Variants in GULP1 observed in about 807,000 individuals in gnomAD.
The protein encoded by GULP1 is PTB domain-containing engulfment adapter protein 1.
A neutral mutation model predicts 40.9 loss-of-function variants in GULP1; 19 were observed. The observed-to-expected ratio is 0.46, with a 90% CI of 0.32 to 0.68. GULP1 has a LOEUF of 0.68. Among genes scored for constraint, GULP1 ranks in the 30% least tolerant of loss-of-function variants. The pLI, the probability that GULP1 is intolerant of heterozygous loss-of-function variation, is 0.03. For synonymous variants in GULP1, 119 were observed against 117.6 expected (o/e 1.01, Z -0.08); for missense variants, 312 against 362.2 (o/e 0.86, Z 1.12).
At chr2:188,566,721 G>A (rs1576157985) in intron 7 of GULP1, among the ~76,000 whole-genome samples, 2 of 149,612 alleles carry the variant, frequency 1.3e-5, no homozygotes, top group South Asian at 4.2e-4. Flanking sequence ...TCTTGAACTC[G>A]GGAGTGGAGG....
chr2:188,320,898 T>C (rs1230644758), intron 1 of GULP1, among the ~76,000 whole-genome samples: 7 of 151,448 alleles, frequency 4.6e-5, no homozygotes. Flanking sequence ...TAAAAATTTT[T>C]GTACTCTCCT....
At chr2:188,329,754 A>G (rs762466459) in intron 1 of GULP1, among the ~76,000 whole-genome samples, 5 of 152,088 alleles carry the variant, frequency 3.3e-5, no homozygotes, top group African/African-American at 4.8e-5. Context: ...GAGAAAGGCA[A>G]TGGTGATTGT....
intron 2 of GULP1, among the ~76,000 whole-genome samples, chr2:188,474,971 A>G (rs2060891540): frequency 6.6e-6 from 1 of 152,198 alleles, no homozygotes; most frequent in Non-Finnish European, 1.5e-5. Context: ...TAACTTATTC[A>G]CATTAAAATT....
At chr2:188,392,446 T>C (rs996409710) in intron 2 of GULP1, among the ~76,000 whole-genome samples, 4 of 152,194 alleles carry the variant, frequency 2.6e-5, no homozygotes, top group African/African-American at 9.6e-5. Flanking sequence ...TTGGTTATAA[T>C]GTCCCATTTT....
At chr2:188,537,336 G>A (rs948853878) in intron 6 of GULP1, among the ~76,000 whole-genome samples, 2 of 151,884 alleles carry the variant, frequency 1.3e-5, no homozygotes, top group Non-Finnish European at 2.9e-5. Context: ...ATAGATGGCT[G>A]TACTATTCTG....
intron 1 of GULP1, among the ~76,000 whole-genome samples, chr2:188,379,605 A>T (rs919433523): frequency 7.9e-5 from 12 of 152,254 alleles, no homozygotes; most frequent in African/African-American, 2.9e-4. Context: ...CTTCCTAAAT[A>T]CATATCTAAA....
intron 1 of GULP1, among the ~76,000 whole-genome samples, chr2:188,327,055 G>T (rs1489439513): frequency 6.6e-6 from 1 of 152,102 alleles, no homozygotes; most frequent in South Asian, 2.1e-4. Context: ...AAACCATATG[G>T]CCAGAAAGCT....
intron 9 of GULP1, among the ~76,000 whole-genome samples, chr2:188,582,184 CAACTCT>C (rs1251439306): frequency 4.6e-5 from 7 of 152,188 alleles, no homozygotes; most frequent in South Asian, 2.1e-4. Flanking sequence ...ATAGGAAAAT[CAACTCT>C]AACTCTATGT....
rs1687344829 is a variant in GULP1, at chr2:188,530,807, C to T, written c.261+1612C>T. 3.3e-5 allele frequency among the ~76,000 whole-genome samples: 5 copies of T among 152,162 alleles called. No homozygotes were observed. The South Asian group carries it at 1.0e-3, about 32-fold the overall frequency. ...AAACACAGTACTTTATTCACAATGC[C>T]TCAGAGTTATCATTTAGTAATTTTG... On this transcript the variant is annotated intron_variant, in intron 6 of 11. Coordinates refer to ENST00000409830, the MANE Select transcript of GULP1 (RefSeq NM_016315.4).
At chr2:188,412,587 G>C (rs1422156679) in intron 2 of GULP1, among the ~76,000 whole-genome samples, 1 of 152,042 alleles carries the variant, frequency 6.6e-6, no homozygotes, top group Non-Finnish European at 1.5e-5. Flanking sequence ...TTTGGGTGGG[G>C]ACACAGCCAA....
At chr2:188,304,048 T>C (rs1370180267) in intron 1 of GULP1, among the ~76,000 whole-genome samples, 3 of 152,160 alleles carry the variant, frequency 2.0e-5, no homozygotes, top group Non-Finnish European at 2.9e-5. Context: ...CTTGTGGGTT[T>C]TTGAATGAGA....
At chr2:188,583,695 A>C (rs959504841) in intron 9 of GULP1, among the ~76,000 whole-genome samples, 2 of 152,194 alleles carry the variant, frequency 1.3e-5, no homozygotes, top group African/African-American at 4.8e-5. Flanking sequence ...AAACTTGATG[A>C]AATCTTTCAG....
chr2:188,380,739 T>A (rs2048911795), intron 1 of GULP1, among the ~76,000 whole-genome samples: 1 of 152,182 alleles, frequency 6.6e-6, no homozygotes, highest in Admixed American at 6.5e-5. Context: ...TATTTTAAGA[T>A]CATGATAATG....
At chr2:188,569,522 A>AT in intron 8 of GULP1, 167 bp downstream of exon 8, 2 of 586,212 alleles carry the variant, frequency 3.4e-6, no homozygotes, top group Non-Finnish European at 6.1e-6. Context: ...TCCCCTGCAC[A>AT]GTTTTTTTTT....
At chr2:188,323,564 C>T in intron 1 of GULP1, among the ~76,000 whole-genome samples, 1 of 151,720 alleles carries the variant, frequency 6.6e-6, no homozygotes, top group Non-Finnish European at 1.5e-5. Context: ...ACAGAGAAAT[C>T]ACTTCCTTCT....
chr2:188,494,047 AATGATGAACTC>A (rs982958265), intron 4 of GULP1, among the ~76,000 whole-genome samples: 45 of 152,148 alleles, frequency 3.0e-4, no homozygotes, highest in African/African-American at 1.1e-3. Flanking sequence ...CCAGCCAGTG[AATGATGAACTC>A]ATTGACTTAA....
At chr2:188,359,534 A>G (rs558296206) in intron 1 of GULP1, among the ~76,000 whole-genome samples, 2 of 152,306 alleles carry the variant, frequency 1.3e-5, no homozygotes, top group African/African-American at 4.8e-5. Context: ...TCATGCTCCT[A>G]TAACATACAA....
In GULP1 at chr2:188,322,398, A is replaced by G. The variant is rs183108385; in HGVS notation, c.-172+30232A>G. ...AACCTCGTTAGTTTGTCCTATTCTC[A>G]TGGCATGAACTTTGTAATACCTTAG... On this transcript the variant is annotated intron_variant, in intron 1 of 11. Coordinates refer to ENST00000409830, the MANE Select transcript of GULP1 (RefSeq NM_016315.4). 6.3e-3 allele frequency among the ~76,000 whole-genome samples: 955 copies of G among 152,172 alleles called. 4 individuals carry two copies. Among genetic ancestry groups the G allele is most frequent in the Non-Finnish European group, 9.9e-3 (670 of 68,002 alleles).
chr2:188,523,085 C>T (rs909243627), intron 5 of GULP1, among the ~76,000 whole-genome samples: 5 of 152,132 alleles, frequency 3.3e-5, no homozygotes, highest in Non-Finnish European at 5.9e-5. Context: ...TATTTTATGG[C>T]AGTGTGTCTT....
Sources: allele counts gnomAD v4.1 joint callset (sites outside exome capture counted in the v4.1 genomes callset), GRCh38; gene constraint gnomAD v4.1.1; transcripts MANE v1.5; gene names NCBI Gene and HGNC (gene_info 2026-07-23, HGNC 2026-07-21).